The following ZBTB43 variants were observed in gnomAD, a reference collection of about 807,000 sequenced individuals.
ZBTB43 encodes zinc finger and BTB domain containing 43, also known as zinc finger and BTB domain-containing protein 43.
Under a neutral mutation model 31.1 loss-of-function variants are expected in ZBTB43, and 6 were observed. The ratio of observed to expected loss-of-function variants is 0.19; its 90% CI spans 0.11 to 0.38. The LOEUF is 0.38. Among genes scored for constraint, ZBTB43 ranks in the 10% least tolerant of loss-of-function variants. The probability of loss-of-function intolerance (pLI) is 1.00; values close to 1 mark genes in which losing one functional copy is unlikely to be tolerated. For missense variants in ZBTB43, 379 were observed against 602.1 expected, an observed-to-expected ratio of 0.63 and a Z score of 3.88; for synonymous variants, 212 against 221.7, an observed-to-expected ratio of 0.96 and a Z score of 0.39.
At chr9:126,827,227 G>A (rs781049991) in intron 2 of ZBTB43, among the ~76,000 whole-genome samples, 1 of 152,228 alleles carries the variant, frequency 6.6e-6, no homozygotes, top group Non-Finnish European at 1.5e-5. Context: ...CTGTGTGTGT[G>A]CGTGTACAGA....
chr9:126,811,457 A>G (rs1272871575), intron 2 of ZBTB43, among the ~76,000 whole-genome samples: 1 of 152,202 alleles, frequency 6.6e-6, no homozygotes, highest in Non-Finnish European at 1.5e-5. Flanking sequence ...AGTGCTTTGC[A>G]TAGACTTTGT....
At chr9:126,829,894 G>A (rs981123768) in intron 2 of ZBTB43, among the ~76,000 whole-genome samples, 5 of 151,976 alleles carry the variant, frequency 3.3e-5, no homozygotes, top group East Asian at 1.9e-4. Context: ...TTGAAATTAC[G>A]AATACCTAAA....
intron 2 of ZBTB43, among the ~76,000 whole-genome samples, chr9:126,814,849 C>T (rs761542254): frequency 1.3e-5 from 2 of 152,100 alleles, no homozygotes; most frequent in Non-Finnish European, 2.9e-5. Flanking sequence ...AAGATACTTT[C>T]ATGGGTATAG....
chr9:126,827,045 G>A (rs1314465777), intron 2 of ZBTB43, among the ~76,000 whole-genome samples: 1 of 152,232 alleles, frequency 6.6e-6, no homozygotes, highest in East Asian at 1.9e-4. Context: ...CAGATTCTAC[G>A]CCTCCTCTGG....
intron 2 of ZBTB43, among the ~76,000 whole-genome samples, chr9:126,814,368 C>CATCTGTA (rs1651240135): frequency 4.1e-5 from 6 of 147,408 alleles, no homozygotes; most frequent in South Asian, 2.2e-4. Context: ...ATGAAATTTA[C>CATCTGTA]AAAGTAAATT....
rs987066548 is a variant in ZBTB43 at position 126,836,664 on chromosome 9, T to C, written c.*2751T>C. On this transcript the variant is annotated 3_prime_UTR_variant, in exon 3 of 3. Coordinates refer to ENST00000373464, the MANE Select transcript of ZBTB43 (RefSeq NM_014007.4). ...ATCCTTCCTAATAAGTTTGGATGGT[T>C]GTGGGTAACATTGTTCAAACAATCT... 3.6e-5 allele frequency: 6 copies of C among 167,112 alleles called. No individual in the cohort carries two copies. In the Admixed American group the frequency reaches 3.9e-4, roughly 11 times the overall value. 10.4% of individuals were successfully genotyped at this position (167,112 alleles called of 1,614,324 possible). A position where few individuals can be genotyped will look rare whatever the true frequency, so the allele number is the denominator to read the frequency against.
chr9:126,815,427 C>T (rs2032362201), intron 2 of ZBTB43, among the ~76,000 whole-genome samples: 1 of 149,968 alleles, frequency 6.7e-6, no homozygotes, highest in African/African-American at 2.4e-5. Flanking sequence ...TTCCCCACAA[C>T]AATCATGTCT....
chr9:126,823,646 C>A (rs2032565710), intron 2 of ZBTB43, among the ~76,000 whole-genome samples: 1 of 152,002 alleles, frequency 6.6e-6, no homozygotes, highest in Non-Finnish European at 1.5e-5. Flanking sequence ...GTATGTCTTA[C>A]ATGTTTTTTA....
At chr9:126,825,996 G>GCCC in intron 2 of ZBTB43, among the ~76,000 whole-genome samples, 2 of 148,512 alleles carry the variant, frequency 1.3e-5, no homozygotes, top group Non-Finnish European at 3.0e-5. Flanking sequence ...ACAGGCTCAT[G>GCCC]ACACCATGCC....
At chr9:126,822,784 G>A (rs560019325) in intron 2 of ZBTB43, among the ~76,000 whole-genome samples, 10 of 152,198 alleles carry the variant, frequency 6.6e-5, no homozygotes, top group South Asian at 2.1e-4. Context: ...CCACCCTACC[G>A]TTCAGCAGTC....
rs1298688250 is a variant in ZBTB43 at position 126,810,007 on chromosome 9, T to C, written c.-24+1092T>C. Among the ~76,000 whole-genome samples the C allele has an allele frequency of 4.6e-5, 7 of 151,934 alleles. No individual in the cohort carries two copies. In the East Asian group the frequency reaches 1.4e-3, roughly 29 times the overall value. On this transcript the variant is annotated intron_variant, in intron 2 of 2. Coordinates refer to ENST00000373464, the MANE Select transcript of ZBTB43 (RefSeq NM_014007.4). ...CGGCCACCACACCCGGCTAATTTTT[T>C]TGTATTTTTAGTAGAGATGGGGTTT...
intron 2 of ZBTB43, among the ~76,000 whole-genome samples, chr9:126,812,938 T>G (rs569093002): frequency 9.2e-5 from 14 of 152,164 alleles, no homozygotes; most frequent in African/African-American, 3.4e-4. Context: ...GTTCTGTCAG[T>G]CTCATCAATG....
chr9:126,833,870 A>G lies in ZBTB43; in HGVS notation c.1361A>G (p.Tyr454Cys), dbSNP rs771223974. 2 of 1,593,886 alleles carry G rather than the reference A, an allele frequency of 1.3e-6. No individual in the cohort carries two copies. Among genetic ancestry groups the G allele is most frequent in the Non-Finnish European group, 1.7e-6 (2 of 1,163,086 alleles). Residue 454 changes from tyrosine (Y) to cysteine (C), a missense_variant, in exon 3 of 3, where the codon TAC becomes TGC. Transcript: ENST00000373464. This position sits in a 1 kb window ranked among gnomAD's most constrained non-coding sequence, Gnocchi z 7.9. ...HRHVTSCTKSYEAAKAEQNTT... is the reference protein window; with the variant it reads ...HRHVTSCTKSCEAAKAEQNTT... ...CATGTGACTTCTTGTACTAAGTCCT[A>G]CGAAGCTGCAAAGGCTGAGCAGAAT...
chr9:126,814,177 T>C (rs2032309237), intron 2 of ZBTB43, among the ~76,000 whole-genome samples: 1 of 151,782 alleles, frequency 6.6e-6, no homozygotes, highest in African/African-American at 2.4e-5. Context: ...CCTTATTTTC[T>C]AACATTGTAC....
Position 126,834,963 on chromosome 9 carries a change from A to C in ZBTB43, c.*1050A>C, listed in dbSNP as rs981875425. ...ACTCCACCAACCAGAGTGAGAGGGCAGATAGGCAGGATTCTATGAGTGGTT... is the reference window on the plus strand; with the variant it reads ...ACTCCACCAACCAGAGTGAGAGGGCCGATAGGCAGGATTCTATGAGTGGTT... On this transcript the variant is annotated 3_prime_UTR_variant, in exon 3 of 3. Transcript: ENST00000373464. The C allele has an allele frequency of 4.8e-5, 8 of 167,080 alleles. No individual in the cohort carries two copies. Among genetic ancestry groups the C allele is most frequent in the African/African-American group, 1.7e-4 (7 of 41,446 alleles). 10.3% of individuals were successfully genotyped at this position (167,080 alleles called of 1,614,324 possible).
chr9:126,836,876 G>A lies in ZBTB43; in HGVS notation c.*2963G>A, dbSNP rs536431621. On this transcript the variant is annotated 3_prime_UTR_variant, in exon 3 of 3. Coordinates refer to ENST00000373464, the MANE Select transcript of ZBTB43 (RefSeq NM_014007.4). Reference sequence around the variant, plus strand: ...CCCAGCACTTTGGGAGGCCGAGATGGGTGGATCACCTGAGGTCAGGAGTTT... The same window carrying A: ...CCCAGCACTTTGGGAGGCCGAGATGAGTGGATCACCTGAGGTCAGGAGTTT... 1.9e-5 allele frequency: 3 copies of A among 155,598 alleles called. No homozygotes were observed. In the East Asian group the frequency reaches 5.8e-4, roughly 30 times the overall value. The allele number at this position is 155,598 out of a possible 1,614,324, so 9.6% of individuals were successfully genotyped here. A position where few individuals can be genotyped will look rare whatever the true frequency, so the allele number is the denominator to read the frequency against.
intron 2 of ZBTB43, among the ~76,000 whole-genome samples, chr9:126,826,346 T>G (rs1554742403): frequency 6.6e-6 from 1 of 151,116 alleles, no homozygotes; most frequent in Non-Finnish European, 1.5e-5. Flanking sequence ...GGGGTTTCAC[T>G]ATGTTGGCCA....
At position 126,809,735 on chromosome 9, in the gene ZBTB43, A is replaced by C. The variant is rs2119108063; in HGVS notation, c.-24+820A>C. 1.3e-5 allele frequency among the ~76,000 whole-genome samples: 2 copies of C among 152,360 alleles called. 1 individual carries two copies. Among genetic ancestry groups the C allele is most frequent in the East Asian group, 3.9e-4 (2 of 5,192 alleles). ...CGTTAAAAAAAGCCAAATAGCTTTT[A>C]AGAAGCATAGTGGAACAGGCTGGCA... is the stretch of plus-strand genomic sequence containing the variant. On this transcript the variant is annotated intron_variant, in intron 2 of 2. Coordinates refer to ENST00000373464, the MANE Select transcript of ZBTB43 (RefSeq NM_014007.4).
At chr9:126,805,557 G>C (rs1420560647) in intron 1 of ZBTB43, among the ~76,000 whole-genome samples, 4 of 152,238 alleles carry the variant, frequency 2.6e-5, no homozygotes, top group Non-Finnish European at 5.9e-5. Context: ...GGACTTAGCT[G>C]ATCTTCTGTT....
Sources: allele counts gnomAD v4.1 joint callset (sites outside exome capture counted in the v4.1 genomes callset), GRCh38; gene constraint gnomAD v4.1.1; non-coding constraint Gnocchi (gnomAD v3.1); transcripts MANE v1.5; gene names NCBI Gene and HGNC (gene_info 2026-07-23, HGNC 2026-07-21).